MYO3B: variants seen among roughly 807,000 people sequenced by gnomAD.
MYO3B encodes the protein myosin-IIIb.
Under a neutral mutation model 174.6 loss-of-function variants are expected in MYO3B, and 156 were observed. That is an observed-to-expected ratio of 0.89 (90% CI 0.78 to 1.02). MYO3B has a LOEUF of 1.02. Ranked by LOEUF, MYO3B falls within the 50% of genes least tolerant of loss-of-function variation. The probability of loss-of-function intolerance (pLI) is 0.00; values close to 1 mark genes in which losing one functional copy is unlikely to be tolerated. For synonymous variants in MYO3B, 563 were observed against 569.1 expected, an observed-to-expected ratio of 0.99 and a Z score of 0.15; for missense variants, 1,632 against 1,639.4, an observed-to-expected ratio of 1.00 and a Z score of 0.08.
At chr2:170,382,787 T>C in intron 10 of MYO3B, 1 of 53,764 alleles carries the variant, frequency 1.9e-5, no homozygotes, top group Non-Finnish European at 4.0e-5. Context: ...TTGAGATGAG[T>C]TTTTTTTTCA....
intron 7 of MYO3B, among the ~76,000 whole-genome samples, chr2:170,279,536 T>A (rs2093490493): frequency 6.6e-6 from 1 of 152,090 alleles, no homozygotes. Flanking sequence ...TCATGGGGGT[T>A]TGTTGTACAG....
intron 22 of MYO3B, among the ~76,000 whole-genome samples, chr2:170,419,432 G>A (rs1324919838): frequency 6.6e-6 from 1 of 152,144 alleles, no homozygotes; most frequent in East Asian, 1.9e-4. Context: ...AGTCATAATG[G>A]ATTAGGACCC....
chr2:170,634,202 A>T (rs1048024369), intron 32 of MYO3B, among the ~76,000 whole-genome samples: 5 of 152,148 alleles, frequency 3.3e-5, no homozygotes, highest in Admixed American at 2.0e-4. Flanking sequence ...GAATCACGCT[A>T]CCGGACTTCA....
rs1007364266 is a variant in MYO3B at position 170,498,803 on chromosome 2, C to T, written c.3126+100C>T. 10 of 743,832 alleles carry T rather than the reference C, an allele frequency of 1.3e-5. No individual in the cohort carries two copies. The African/African-American group carries it at 1.7e-4, about 13-fold the overall frequency. 46.1% of individuals were successfully genotyped at this position (743,832 alleles called of 1,614,324 possible). ...TGGCTCTGTAAGTTGTGTAGCTTAG[C>T]AAACAAGACTCCAACGTAACAATGG... On this transcript the variant is annotated intron_variant, in intron 26 of 34. Coordinates refer to ENST00000408978, the MANE Select transcript of MYO3B (RefSeq NM_138995.5).
intron 7 of MYO3B, among the ~76,000 whole-genome samples, chr2:170,321,975 G>C (rs554467531): frequency 3.3e-5 from 5 of 152,000 alleles, no homozygotes; most frequent in Non-Finnish European, 5.9e-5. Flanking sequence ...TTAGCTGGGC[G>C]TGGTGGCACG....
chr2:170,244,343 A>AT (rs912923683), intron 7 of MYO3B, among the ~76,000 whole-genome samples: 11 of 152,052 alleles, frequency 7.2e-5, no homozygotes, highest in Middle Eastern at 3.4e-3. Context: ...CACAGATAAT[A>AT]TTTTTTTTCC....
intron 7 of MYO3B, among the ~76,000 whole-genome samples, chr2:170,256,233 A>C (rs1401415325): frequency 6.6e-6 from 1 of 152,356 alleles, no homozygotes; most frequent in South Asian, 2.1e-4. Flanking sequence ...GTCCACAAAA[A>C]TTTCCCCAAT....
chr2:170,329,145 C>CT (rs2093891708), intron 7 of MYO3B, among the ~76,000 whole-genome samples: 1 of 141,390 alleles, frequency 7.1e-6, no homozygotes, highest in South Asian at 2.2e-4. Flanking sequence ...GAGTGAGACT[C>CT]TGTCTCCAAA....
At chr2:170,339,329 C>T (rs572044342) in intron 8 of MYO3B, among the ~76,000 whole-genome samples, 7 of 152,164 alleles carry the variant, frequency 4.6e-5, no homozygotes, top group African/African-American at 9.7e-5. Flanking sequence ...AGTTCCTTAA[C>T]GGCTTTAAGA....
intron 7 of MYO3B, among the ~76,000 whole-genome samples, chr2:170,281,403 A>G (rs2093508996): frequency 6.6e-6 from 1 of 152,232 alleles, no homozygotes; most frequent in Non-Finnish European, 1.5e-5. Flanking sequence ...AAGAACCAAA[A>G]TCACACCAAA....
At chr2:170,557,356 G>A (rs1185575711) in intron 32 of MYO3B, among the ~76,000 whole-genome samples, 1 of 151,746 alleles carries the variant, frequency 6.6e-6, no homozygotes, top group African/African-American at 2.4e-5. Flanking sequence ...AGCCAGGATG[G>A]TCTCCATCTC....
At chr2:170,409,702 A>G (rs2094533500) in intron 22 of MYO3B, among the ~76,000 whole-genome samples, 1 of 152,270 alleles carries the variant, frequency 6.6e-6, no homozygotes, top group African/African-American at 2.4e-5. Flanking sequence ...AACGAGGGAA[A>G]TATAGGAGTA....
At chr2:170,472,715 ATTTT>A (rs1190826350) in intron 25 of MYO3B, among the ~76,000 whole-genome samples, 4 of 148,908 alleles carry the variant, frequency 2.7e-5, no homozygotes, top group South Asian at 2.1e-4. Flanking sequence ...TTATTTATTT[ATTTT>A]GAGACAGGGT....
At chr2:170,326,932 C>T (rs983189406) in intron 7 of MYO3B, among the ~76,000 whole-genome samples, 7 of 152,156 alleles carry the variant, frequency 4.6e-5, no homozygotes, top group African/African-American at 9.7e-5. Flanking sequence ...AGCCAGAGGA[C>T]GTGAACACCT....
rs541505566 is a variant in MYO3B, at chr2:170,645,590, AACTG to A, written c.3734-6033_3734-6030del. On this transcript the variant is annotated intron_variant, in intron 32 of 34. Coordinates refer to ENST00000408978, the MANE Select transcript of MYO3B (RefSeq NM_138995.5). The stretch of plus-strand genomic sequence containing the variant: ...CCATACTGTTTTATATCTTAATGCA[AACTG>A]ACTGGCCCAAAATCCAAAAGACAGG... Among the ~76,000 whole-genome samples the A allele has an allele frequency of 5.9e-5, 9 of 152,316 alleles. No individual in the cohort carries two copies. In the South Asian group the frequency reaches 1.5e-3, roughly 25 times the overall value.
chr2:170,488,380 GC>G (rs1256148733), intron 25 of MYO3B, among the ~76,000 whole-genome samples: 1 of 152,046 alleles, frequency 6.6e-6, no homozygotes, highest in Non-Finnish European at 1.5e-5. Flanking sequence ...TATGAAGACT[GC>G]CTACCTCAAA....
intron 7 of MYO3B, among the ~76,000 whole-genome samples, chr2:170,322,132 A>G (rs1310918498): frequency 6.9e-6 from 1 of 145,868 alleles, no homozygotes; most frequent in Non-Finnish European, 1.5e-5. Context: ...AAAAAAAAAA[A>G]GAGTAGCAGC....
chr2:170,621,931 C>T (rs1040090642), intron 32 of MYO3B, among the ~76,000 whole-genome samples: 1 of 152,272 alleles, frequency 6.6e-6, no homozygotes, highest in South Asian at 2.1e-4. Context: ...AGATTTTAAA[C>T]CCTTTGAATG....
At chr2:170,608,689 C>T (rs984431588) in intron 32 of MYO3B, among the ~76,000 whole-genome samples, 15 of 151,910 alleles carry the variant, frequency 9.9e-5, no homozygotes, top group Admixed American at 7.2e-4. Context: ...GAGAGACAGA[C>T]AGACAGACAG....
Sources: gnomAD v4.1 joint callset for allele counts (sites outside exome capture counted in the v4.1 genomes callset) on GRCh38, gnomAD v4.1.1 for gene constraint, MANE v1.5 for transcripts, NCBI Gene and HGNC (gene_info 2026-07-23, HGNC 2026-07-21) for gene names.